PVT1: variants seen among roughly 807,000 people sequenced by gnomAD.
PVT1 encodes CXCR4/PVT1 fusion.
chr8:127,843,605 G>A (rs1814997238), intron 2 of PVT1, among the ~76,000 whole-genome samples: 1 of 151,788 alleles, frequency 6.6e-6, no homozygotes, highest in Admixed American at 6.6e-5. Flanking sequence ...ACCACGACCG[G>A]CTAATTTTTT....
chr8:128,022,689 A>G (rs1345758239), intron 4 of PVT1, among the ~76,000 whole-genome samples: 1 of 152,156 alleles, frequency 6.6e-6, no homozygotes, highest in Non-Finnish European at 1.5e-5. Context: ...CTCAGATACT[A>G]AGCTCAGTAA....
intron 4 of PVT1, among the ~76,000 whole-genome samples, chr8:128,007,821 C>T (rs4733825): frequency 0.65 from 98,393 of 152,144 alleles, 32,221 homozygotes; most frequent in African/African-American, 0.73. Flanking sequence ...ACAGGCAGTG[C>T]TGTGCAATGT....
chr8:128,027,509 G>A (rs146737286), intron 4 of PVT1, among the ~76,000 whole-genome samples: 26 of 152,188 alleles, frequency 1.7e-4, no homozygotes, highest in African/African-American at 5.8e-4. Flanking sequence ...AGTGAATGAC[G>A]GGCACTGAGG....
At position 127,842,905 on chromosome 8, in the gene PVT1, G is replaced by A. The variant is rs1257779380; in HGVS notation, n.372+46834G>A. Among the ~76,000 whole-genome samples, 4 of 152,250 alleles carry A rather than the reference G, an allele frequency of 2.6e-5. 1 individual carries two copies. The highest frequency in any genetic ancestry group is 3.4e-3 in the Middle Eastern group (1 of 294). On this transcript the variant is annotated intron_variant and non_coding_transcript_variant, in intron 2 of 10. Coordinates refer to ENST00000651587, the Ensembl canonical transcript of PVT1. ...CCTAGTACCCAACTTCCTAGAGTTC[G>A]TATAGTAGAGAGCAAGTAGCATAGG...
intron 3 of PVT1, among the ~76,000 whole-genome samples, chr8:127,928,024 A>G (rs1816152735): frequency 6.6e-6 from 1 of 152,186 alleles, no homozygotes; most frequent in Admixed American, 6.5e-5. Flanking sequence ...CCCACTACCT[A>G]CTGACAAAGA....
At chr8:128,060,033 G>A (rs1380095204) in intron 4 of PVT1, among the ~76,000 whole-genome samples, 3 of 152,174 alleles carry the variant, frequency 2.0e-5, no homozygotes, top group African/African-American at 7.2e-5. Context: ...AAGGCGGGTG[G>A]ATCACAAGGT....
intron 6 of PVT1, chr8:128,100,928 T>C (rs888190673): frequency 6.6e-6 from 1 of 152,190 alleles, no homozygotes; most frequent in Non-Finnish European, 1.5e-5. Context: ...TCCCAATTGC[T>C]CCTGTGAATA....
At chr8:127,991,478 G>A (rs1208234963) in intron 4 of PVT1, among the ~76,000 whole-genome samples, 2 of 152,114 alleles carry the variant, frequency 1.3e-5, no homozygotes, top group East Asian at 1.9e-4. Flanking sequence ...GGCTTAGGGA[G>A]CAGGAGAGCA....
rs1586435581 is a variant in PVT1, at chr8:127,918,545, G to A, written n.782+27547G>A. On this transcript the variant is annotated intron_variant and non_coding_transcript_variant, in intron 3 of 10. Coordinates refer to ENST00000651587, the Ensembl canonical transcript of PVT1. ...CTTCTAGTCTCATTGATAAACTGAA[G>A]CCATTGTGCCATAGCTCTAGAGAAC... Among the ~76,000 whole-genome samples the A allele has an allele frequency of 2.6e-5, 4 of 152,312 alleles. No homozygotes were observed. The South Asian group carries it at 6.2e-4, about 24-fold the overall frequency.
intron 2 of PVT1, among the ~76,000 whole-genome samples, chr8:127,879,054 T>A (rs1330783939): frequency 2.0e-5 from 3 of 152,266 alleles, no homozygotes; most frequent in Admixed American, 2.0e-4. Context: ...CTATTGGGGC[T>A]GTTTTGGTCA....
intron 3 of PVT1, among the ~76,000 whole-genome samples, chr8:127,937,580 C>CAGAGAGAGAGAGAGAGAGAGAGAGAGAG (rs1554598547): frequency 9.3e-6 from 1 of 107,794 alleles, no homozygotes; most frequent in African/African-American, 3.7e-5. Context: ...CACACACACA[C>CAGAGAGAGAGAGAGAGAGAGAGAGAGAG]AGAGAGAGAG....
At chr8:127,886,008 A>T (rs961302279) in intron 2 of PVT1, among the ~76,000 whole-genome samples, 12 of 152,088 alleles carry the variant, frequency 7.9e-5, no homozygotes, top group South Asian at 6.2e-4. Flanking sequence ...GAGGCAGGAG[A>T]ATCACTTGAA....
intron 4 of PVT1, among the ~76,000 whole-genome samples, chr8:128,041,962 T>C (rs2130090172): frequency 6.6e-6 from 1 of 152,354 alleles, no homozygotes. Context: ...CAGCCATTCC[T>C]TCTCCTGTGT....
chr8:127,841,598 A>T (rs1394358099), intron 2 of PVT1, among the ~76,000 whole-genome samples: 1 of 152,184 alleles, frequency 6.6e-6, no homozygotes, highest in Non-Finnish European at 1.5e-5. Context: ...ATTAGACAGC[A>T]AGAGGCTAAA....
intron 3 of PVT1, among the ~76,000 whole-genome samples, chr8:127,931,853 G>A (rs1037942529): frequency 2.0e-5 from 3 of 152,260 alleles, no homozygotes; most frequent in Non-Finnish European, 2.9e-5. Flanking sequence ...CCCAAATACG[G>A]CCAGGGCCAG....
chr8:127,938,988 G>T (rs1185352496), intron 3 of PVT1, among the ~76,000 whole-genome samples: 1 of 152,204 alleles, frequency 6.6e-6, no homozygotes, highest in Non-Finnish European at 1.5e-5. Context: ...GGACTTCTGG[G>T]TGATATCACA....
chr8:127,880,842 A>G (rs896808491), intron 2 of PVT1, among the ~76,000 whole-genome samples: 4 of 151,514 alleles, frequency 2.6e-5, no homozygotes, highest in Admixed American at 1.3e-4. Context: ...CTCGTGATCC[A>G]CACGCCTCAG....
At chr8:127,991,535 C>G (rs1367259824) in intron 4 of PVT1, among the ~76,000 whole-genome samples, 2 of 152,072 alleles carry the variant, frequency 1.3e-5, no homozygotes, top group East Asian at 3.9e-4. Flanking sequence ...CCTGCTGCAC[C>G]TGGAGGGCTG....
chr8:127,832,286 C>T (rs1205518158), intron 2 of PVT1, among the ~76,000 whole-genome samples: 3 of 152,184 alleles, frequency 2.0e-5, no homozygotes, highest in Non-Finnish European at 4.4e-5. Context: ...ATGCTTGCCA[C>T]ACTTGTTACT....
Sources: allele counts gnomAD v4.1 joint callset (sites outside exome capture counted in the v4.1 genomes callset), GRCh38; gene constraint gnomAD v4.1.1; transcripts MANE v1.5; gene names NCBI Gene and HGNC (gene_info 2026-07-23, HGNC 2026-07-21).